The following UBE2R2 variants were observed in gnomAD, a reference collection of about 807,000 sequenced individuals.
The protein encoded by UBE2R2 is ubiquitin conjugating enzyme E2 R2.
A neutral mutation model predicts 27.8 loss-of-function variants in UBE2R2; 1 was observed. The observed-to-expected ratio is 0.04, with a 90% CI of 0.01 to 0.17. UBE2R2 has a LOEUF of 0.17. UBE2R2 is among the 10% of genes least tolerant of loss of function. The pLI is 1.00. For synonymous variants in UBE2R2, 106 were observed against 113.3 expected (o/e 0.94, Z 0.41); for missense variants, 100 against 291.0 (o/e 0.34, Z 4.78).
chr9:33,890,185 T>C (rs1468671475), intron 2 of UBE2R2, among the ~76,000 whole-genome samples: 2 of 152,182 alleles, frequency 1.3e-5, no homozygotes, highest in African/African-American at 4.8e-5. Flanking sequence ...TACCATTAGA[T>C]CATGATATAA....
intron 3 of UBE2R2, among the ~76,000 whole-genome samples, chr9:33,907,953 C>T (rs754682865): frequency 4.0e-4 from 60 of 151,850 alleles, no homozygotes; most frequent in Non-Finnish European, 8.2e-4. Flanking sequence ...CTCAGCCTTC[C>T]GAGTAGCTGG....
intron 4 of UBE2R2, among the ~76,000 whole-genome samples, chr9:33,915,547 C>T (rs964961116): frequency 6.6e-6 from 1 of 152,152 alleles, no homozygotes; most frequent in African/African-American, 2.4e-5. Context: ...AGAAGAAAAG[C>T]TTCAAGCACA....
intron 3 of UBE2R2, among the ~76,000 whole-genome samples, chr9:33,910,587 A>C (rs1427965273): frequency 6.6e-6 from 1 of 152,206 alleles, no homozygotes; most frequent in East Asian, 1.9e-4. Flanking sequence ...TAACTTGCTC[A>C]CCATTGTACA....
upstream of UBE2R2, among the ~76,000 whole-genome samples, chr9:33,816,489 T>C (rs2130684053): frequency 6.6e-6 from 1 of 152,318 alleles, no homozygotes; most frequent in East Asian, 1.9e-4. Context: ...CAGTTTGTTA[T>C]TGTCTTTTTC....
At chr9:33,889,449 C>T (rs1024247258) in intron 2 of UBE2R2, among the ~76,000 whole-genome samples, 2 of 152,042 alleles carry the variant, frequency 1.3e-5, no homozygotes, top group Non-Finnish European at 2.9e-5. Flanking sequence ...CATGATCTGC[C>T]CACCTTGGCC....
intron 1 of UBE2R2, among the ~76,000 whole-genome samples, chr9:33,827,965 C>T (rs1233576031): frequency 6.9e-6 from 1 of 144,918 alleles, no homozygotes; most frequent in Admixed American, 6.9e-5. Flanking sequence ...AGCAAGACTC[C>T]CTCTCAAAAA....
At chr9:33,871,621 G>A (rs2130780223) in intron 1 of UBE2R2, among the ~76,000 whole-genome samples, 1 of 152,324 alleles carries the variant, frequency 6.6e-6, no homozygotes, top group Admixed American at 6.5e-5. Context: ...AGTCAAAAAA[G>A]ATGTAAGGAG....
chr9:33,859,760 T>TTGTGTGTGTGTG lies in UBE2R2; in HGVS notation c.178-27092_178-27081dup, dbSNP rs57089790. Among the ~76,000 whole-genome samples the TTGTGTGTGTGTG allele has an allele frequency of 6.6e-3, 856 of 130,634 alleles. 6 individuals are homozygous for TTGTGTGTGTGTG. Among genetic ancestry groups the TTGTGTGTGTGTG allele is most frequent in the East Asian group, 0.019 (67 of 3,444 alleles). 85.7% of individuals were successfully genotyped at this position (130,634 alleles called of 152,430 possible). ...CAGTCCTTGTGGTTATCTAAGCCTT[T>TTGTGTGTGTGTG]TGTGTGTGTGTGTGTGTGTGTGTGT... On this transcript the variant is annotated intron_variant, in intron 1 of 4. Coordinates refer to ENST00000263228, the MANE Select transcript of UBE2R2 (RefSeq NM_017811.4).
intron 1 of UBE2R2, among the ~76,000 whole-genome samples, chr9:33,883,713 C>CAAAAAAAAAAA (rs1158414910): frequency 1.3e-5 from 1 of 75,186 alleles, no homozygotes; most frequent in Non-Finnish European, 2.5e-5. Flanking sequence ...GACTCTGTCT[C>CAAAAAAAAAAA]AAAAAAAAAA....
chr9:33,821,882 A>G (rs1825987236), intron 1 of UBE2R2, among the ~76,000 whole-genome samples: 2 of 151,974 alleles, frequency 1.3e-5, no homozygotes, highest in African/African-American at 4.8e-5. Context: ...GCCTCCCAAA[A>G]TGTAATCCTA....
At chr9:33,904,963 C>T (rs1822321234) in intron 3 of UBE2R2, among the ~76,000 whole-genome samples, 2 of 152,044 alleles carry the variant, frequency 1.3e-5, no homozygotes, top group Admixed American at 1.3e-4. Context: ...CAAAATGTGC[C>T]TTAATACATG....
At chr9:33,893,984 C>G (rs1822042001) in intron 2 of UBE2R2, among the ~76,000 whole-genome samples, 1 of 151,972 alleles carries the variant, frequency 6.6e-6, no homozygotes, top group Non-Finnish European at 1.5e-5. Flanking sequence ...CCTGTTAGTG[C>G]TGGGATTACA....
intron 4 of UBE2R2, among the ~76,000 whole-genome samples, chr9:33,913,786 C>T (rs184685130): frequency 1.3e-5 from 2 of 152,254 alleles, no homozygotes; most frequent in East Asian, 3.9e-4. Context: ...AAGTTTTCTG[C>T]CCATTGGGAT....
chr9:33,825,480 A>G (rs923997451), intron 1 of UBE2R2, among the ~76,000 whole-genome samples: 1 of 152,064 alleles, frequency 6.6e-6, no homozygotes, highest in African/African-American at 2.4e-5. Flanking sequence ...ACCTCAGGTA[A>G]TCCACCCACC....
intron 1 of UBE2R2, among the ~76,000 whole-genome samples, chr9:33,873,748 A>G (rs1821539200): frequency 6.6e-6 from 1 of 151,940 alleles, no homozygotes; most frequent in African/African-American, 2.4e-5. Context: ...TCAAGCGGAT[A>G]CTGCCACCTG....
intron 1 of UBE2R2, among the ~76,000 whole-genome samples, chr9:33,830,090 C>T (rs1268077857): frequency 2.0e-5 from 3 of 151,868 alleles, no homozygotes; most frequent in Admixed American, 6.6e-5. Context: ...AGCCACCGCG[C>T]CCAGCCTAAT....
At chr9:33,859,179 A>G (rs1441472700) in intron 1 of UBE2R2, among the ~76,000 whole-genome samples, 2 of 152,194 alleles carry the variant, frequency 1.3e-5, no homozygotes, top group Non-Finnish European at 2.9e-5. Context: ...GTTTCTGAGC[A>G]GTAATGCATA....
intron 1 of UBE2R2, among the ~76,000 whole-genome samples, chr9:33,859,851 A>G (rs1458869272): frequency 6.0e-5 from 9 of 150,416 alleles, no homozygotes; most frequent in Non-Finnish European, 8.8e-5. Context: ...ACCAGGCTGG[A>G]GTGCAGTGGC....
At chr9:33,840,428 T>G (rs1820706556) in intron 1 of UBE2R2, among the ~76,000 whole-genome samples, 1 of 152,208 alleles carries the variant, frequency 6.6e-6, no homozygotes, top group African/African-American at 2.4e-5. Context: ...TTTTTTTCCT[T>G]AGTTTTTATG....
Sources: gnomAD v4.1 joint callset for allele counts (sites outside exome capture counted in the v4.1 genomes callset) on GRCh38, gnomAD v4.1.1 for gene constraint, MANE v1.5 for transcripts, NCBI Gene and HGNC (gene_info 2026-07-23, HGNC 2026-07-21) for gene names.